The following RBFOX1 variants were observed in gnomAD, a reference collection of about 807,000 sequenced individuals.
The protein encoded by RBFOX1 is RNA binding fox-1 homolog 1.
In RBFOX1, 8 loss-of-function variants were observed where a neutral mutation model predicts 57.7. The ratio of observed to expected loss-of-function variants is 0.14; its 90% CI spans 0.08 to 0.25. The LOEUF (loss-of-function observed/expected upper bound fraction) is 0.25, where lower values mean the gene tolerates loss of function less well. RBFOX1 is among the 10% of genes least tolerant of loss of function. The probability of loss-of-function intolerance (pLI) is 1.00; values close to 1 mark genes in which losing one functional copy is unlikely to be tolerated. For missense variants in RBFOX1, 611 were observed against 548.5 expected (o/e 1.11, Z -1.14); for synonymous variants, 326 against 222.4 (o/e 1.47, Z -4.15).
chr16:6,606,449 C>A (rs1429258357), intron 2 of RBFOX1, among the ~76,000 whole-genome samples: 1 of 152,110 alleles, frequency 6.6e-6, no homozygotes, highest in Non-Finnish European at 1.5e-5. Context: ...TGATTTGCTG[C>A]ACCTATCAAC....
chr16:6,865,669 C>T (rs981220487), intron 3 of RBFOX1, among the ~76,000 whole-genome samples: 7 of 152,164 alleles, frequency 4.6e-5, no homozygotes, highest in African/African-American at 9.7e-5. Context: ...ACGTAGTAAT[C>T]CCTAATTCCT....
At chr16:5,807,395 C>A (rs570442749) in intron 3 of RBFOX1, among the ~76,000 whole-genome samples, 1 of 152,200 alleles carries the variant, frequency 6.6e-6, no homozygotes, top group African/African-American at 2.4e-5. Flanking sequence ...GAGCTGGGTC[C>A]CTGCCAGGTC....
chr16:5,576,481 T>C (rs1398041476), intron 2 of RBFOX1, among the ~76,000 whole-genome samples: 2 of 152,254 alleles, frequency 1.3e-5, no homozygotes, highest in African/African-American at 2.4e-5. Flanking sequence ...ATTTTTCTTT[T>C]TTTCATCTGT....
At chr16:6,496,066 G>C (rs911039790) in intron 2 of RBFOX1, among the ~76,000 whole-genome samples, 3 of 152,340 alleles carry the variant, frequency 2.0e-5, no homozygotes, top group African/African-American at 7.2e-5. Context: ...TTTATGGAAA[G>C]ATTCCATGAA....
chr16:6,103,718 G>A (rs1056211267), intron 1 of RBFOX1, among the ~76,000 whole-genome samples: 2 of 152,082 alleles, frequency 1.3e-5, no homozygotes, highest in Non-Finnish European at 2.9e-5. Flanking sequence ...AGTCTGGAGT[G>A]GACATTCCTC....
chr16:5,753,924 T>C (rs956825989), intron 3 of RBFOX1, among the ~76,000 whole-genome samples: 5 of 152,144 alleles, frequency 3.3e-5, no homozygotes, highest in Admixed American at 2.6e-4. Flanking sequence ...CAGGATTCTG[T>C]GTCCATCCCC....
chr16:7,362,307 TGC>T (rs1166315085), intron 4 of RBFOX1, among the ~76,000 whole-genome samples: 19 of 91,292 alleles, frequency 2.1e-4, no homozygotes, highest in East Asian at 1.5e-3. Context: ...TTCGTGTGTT[TGC>T]GTGTGTGTGT....
chr16:5,624,738 G>T (rs867414142), intron 3 of RBFOX1, among the ~76,000 whole-genome samples: 7 of 152,224 alleles, frequency 4.6e-5, no homozygotes, highest in African/African-American at 1.2e-4. Context: ...CACCAATGCG[G>T]GGTGACAGGT....
chr16:5,704,147 A>T (rs1445152575), intron 3 of RBFOX1, among the ~76,000 whole-genome samples: 1 of 152,166 alleles, frequency 6.6e-6, no homozygotes, highest in Non-Finnish European at 1.5e-5. Context: ...CATGACAGCA[A>T]GAAGAGGGGA....
At position 7,403,825 on chromosome 16, in the gene RBFOX1, C is replaced by T. The variant is rs185680875; in HGVS notation, c.28-114322C>T. On this transcript the variant is annotated intron_variant, in intron 4 of 15. Transcript: ENST00000550418. ...CCTCCCAAAGTGCTGGGATTATAGGCGTGAGCCACCATGCCGGGGCTCCTT... is the reference window on the plus strand; with the variant it reads ...CCTCCCAAAGTGCTGGGATTATAGGTGTGAGCCACCATGCCGGGGCTCCTT... Among the ~76,000 whole-genome samples the T allele has an allele frequency of 3.3e-3, 499 of 151,850 alleles. 3 individuals are homozygous for T. Among genetic ancestry groups the T allele is most frequent in the African/African-American group, 0.012 (483 of 41,482 alleles).
At chr16:6,872,347 C>G (rs1026144692) in intron 3 of RBFOX1, among the ~76,000 whole-genome samples, 4 of 152,112 alleles carry the variant, frequency 2.6e-5, no homozygotes, top group Admixed American at 2.0e-4. Flanking sequence ...CTCTCTGTTT[C>G]TCTCTTTTTC....
At chr16:7,488,170 C>A (rs1340468452) in intron 4 of RBFOX1, among the ~76,000 whole-genome samples, 2 of 152,120 alleles carry the variant, frequency 1.3e-5, no homozygotes, top group African/African-American at 4.8e-5. Flanking sequence ...TGAGCTGGTC[C>A]TGCTCACATC....
intron 3 of RBFOX1, among the ~76,000 whole-genome samples, chr16:6,923,034 C>T (rs1177026534): frequency 6.6e-6 from 1 of 152,180 alleles, no homozygotes; most frequent in Non-Finnish European, 1.5e-5. Flanking sequence ...AAACCATAGA[C>T]AGTGCAGTAC....
At chr16:7,348,439 A>T (rs1384126236) in intron 4 of RBFOX1, among the ~76,000 whole-genome samples, 1 of 151,806 alleles carries the variant, frequency 6.6e-6, no homozygotes, top group Non-Finnish European at 1.5e-5. Flanking sequence ...TTAGGTTTTT[A>T]AGACTAAGGT....
At chr16:7,216,973 T>C (rs973622031) in intron 4 of RBFOX1, among the ~76,000 whole-genome samples, 1 of 145,518 alleles carries the variant, frequency 6.9e-6, no homozygotes, top group Non-Finnish European at 1.5e-5. Flanking sequence ...TAAGGAAAAG[T>C]ACAGCAGGAT....
At chr16:6,081,503 A>G (rs1296937933) in intron 1 of RBFOX1, among the ~76,000 whole-genome samples, 1 of 152,032 alleles carries the variant, frequency 6.6e-6, no homozygotes, top group Non-Finnish European at 1.5e-5. Flanking sequence ...CCTTTTCAAT[A>G]TTGTAGGGAC....
chr16:5,449,732 C>G (rs2068363330), intron 1 of RBFOX1, among the ~76,000 whole-genome samples: 1 of 152,166 alleles, frequency 6.6e-6, no homozygotes, highest in African/African-American at 2.4e-5. Flanking sequence ...CCTCAGCCCC[C>G]CGAGTAGATG....
intron 1 of RBFOX1, among the ~76,000 whole-genome samples, chr16:5,305,447 T>C (rs904382404): frequency 6.6e-6 from 1 of 152,134 alleles, no homozygotes; most frequent in Admixed American, 6.5e-5. Context: ...GGGGGCTGTT[T>C]TCATCTCATC....
intron 2 of RBFOX1, among the ~76,000 whole-genome samples, chr16:6,630,121 C>G (rs1407365328): frequency 6.6e-6 from 1 of 152,060 alleles, no homozygotes; most frequent in African/African-American, 2.4e-5. Flanking sequence ...TGCTTGACAT[C>G]TCATTATTTT....
Sources: allele counts gnomAD v4.1 joint callset (sites outside exome capture counted in the v4.1 genomes callset), GRCh38; gene constraint gnomAD v4.1.1; transcripts MANE v1.5; gene names NCBI Gene and HGNC (gene_info 2026-07-23, HGNC 2026-07-21).